The following AGBL4 variants were observed in gnomAD, a reference collection of about 807,000 sequenced individuals.
AGBL4 encodes the protein AGBL carboxypeptidase 4, also known as cytosolic carboxypeptidase 6.
A neutral mutation model predicts 66.4 loss-of-function variants in AGBL4; 58 were observed. The observed-to-expected ratio is 0.87, with a 90% confidence interval of 0.71 to 1.09. The LOEUF is 1.09. AGBL4 is among the 50% of genes least tolerant of loss of function. AGBL4 has a pLI of 0.00. For missense variants in AGBL4, 579 were observed against 631.0 expected (o/e 0.92, Z 0.88); for synonymous variants, 234 against 222.9 (o/e 1.05, Z -0.44).
At chr1:48,744,225 C>A (rs1007612456) in intron 6 of AGBL4, among the ~76,000 whole-genome samples, 3 of 152,150 alleles carry the variant, frequency 2.0e-5, no homozygotes, top group African/African-American at 7.2e-5. Flanking sequence ...TTCCTTTGTC[C>A]CCAGCACCTG....
chr1:49,027,410 G>A (rs1342118667), intron 5 of AGBL4, among the ~76,000 whole-genome samples: 1 of 151,998 alleles, frequency 6.6e-6, no homozygotes, highest in African/African-American at 2.4e-5. Flanking sequence ...TGATCCACCT[G>A]CCTCAGCCCC....
chr1:49,920,436 G>C (rs1376364674), intron 1 of AGBL4, among the ~76,000 whole-genome samples: 2 of 152,210 alleles, frequency 1.3e-5, no homozygotes, highest in Non-Finnish European at 2.9e-5. Context: ...CAAAGGATAT[G>C]AACAGACACT....
intron 4 of AGBL4, among the ~76,000 whole-genome samples, chr1:49,228,432 G>A (rs6673047): frequency 0.035 from 5,389 of 152,274 alleles, 140 homozygotes; most frequent in East Asian, 0.056. Context: ...TGAGGTGGAC[G>A]TGCTTTGAAA....
chr1:49,619,422 G>C (rs1645313235), intron 3 of AGBL4, among the ~76,000 whole-genome samples: 1 of 152,040 alleles, frequency 6.6e-6, no homozygotes, highest in Admixed American at 6.5e-5. Flanking sequence ...GGGATGTGAA[G>C]GACCTCTTCA....
At chr1:49,966,045 C>T (rs1248947907) in intron 1 of AGBL4, among the ~76,000 whole-genome samples, 1 of 151,602 alleles carries the variant, frequency 6.6e-6, no homozygotes, top group Admixed American at 6.6e-5. Flanking sequence ...GGGTTCACGC[C>T]ATTCTCCTGC....
intron 3 of AGBL4, among the ~76,000 whole-genome samples, chr1:49,333,487 C>A (rs534674833): frequency 6.8e-4 from 103 of 152,048 alleles, no homozygotes; most frequent in African/African-American, 2.1e-3. Context: ...AAACACCCCC[C>A]AAAAACAAAC....
intron 1 of AGBL4, among the ~76,000 whole-genome samples, chr1:49,977,692 ATTTAT>A (rs1658686964): frequency 1.3e-5 from 2 of 152,162 alleles, no homozygotes; most frequent in Non-Finnish European, 2.9e-5. Context: ...TTTGTGCTAC[ATTTAT>A]TTTATTTCTA....
chr1:49,513,986 G>A (rs988672307), intron 3 of AGBL4, among the ~76,000 whole-genome samples: 4 of 151,950 alleles, frequency 2.6e-5, no homozygotes, highest in African/African-American at 7.2e-5. Context: ...AAGCAATTGC[G>A]AATGGGAGTT....
At chr1:49,231,093 T>C (rs1004280934) in intron 4 of AGBL4, among the ~76,000 whole-genome samples, 3 of 152,176 alleles carry the variant, frequency 2.0e-5, no homozygotes, top group African/African-American at 7.2e-5. Flanking sequence ...GAACAGTAAT[T>C]CTTATAGCTA....
intron 6 of AGBL4, among the ~76,000 whole-genome samples, chr1:48,762,759 T>G (rs1302174915): frequency 6.6e-6 from 1 of 152,044 alleles, no homozygotes; most frequent in Non-Finnish European, 1.5e-5. Flanking sequence ...TATAAGCACA[T>G]AACTATTCCA....
At chr1:49,604,795 C>T (rs1049602241) in intron 3 of AGBL4, among the ~76,000 whole-genome samples, 2 of 151,956 alleles carry the variant, frequency 1.3e-5, no homozygotes, top group Admixed American at 6.6e-5. Context: ...TTTTACCCTC[C>T]GAAACTAAAA....
At chr1:48,683,348 G>C (rs1646483485) in intron 6 of AGBL4, among the ~76,000 whole-genome samples, 1 of 152,106 alleles carries the variant, frequency 6.6e-6, no homozygotes, top group Admixed American at 6.5e-5. Flanking sequence ...ACTCACATCG[G>C]GGGCTTCTAA....
intron 5 of AGBL4, among the ~76,000 whole-genome samples, chr1:48,942,435 G>C (rs2148916918): frequency 6.6e-6 from 1 of 152,212 alleles, no homozygotes; most frequent in South Asian, 2.1e-4. Flanking sequence ...CAAGTCATCA[G>C]ATTCCTCATC....
intron 3 of AGBL4, among the ~76,000 whole-genome samples, chr1:49,444,433 G>A (rs999884980): frequency 2.0e-5 from 3 of 152,002 alleles, no homozygotes; most frequent in Non-Finnish European, 4.4e-5. Flanking sequence ...AGCAATATTT[G>A]CTTTATGAAC....
At chr1:48,848,789 G>C (rs980499403) in intron 6 of AGBL4, among the ~76,000 whole-genome samples, 1 of 152,148 alleles carries the variant, frequency 6.6e-6, no homozygotes, top group African/African-American at 2.4e-5. Flanking sequence ...TCCTGAAAAG[G>C]TCAGTTAGTT....
intron 5 of AGBL4, among the ~76,000 whole-genome samples, chr1:48,924,348 C>T (rs991386737): frequency 2.0e-5 from 3 of 151,840 alleles, no homozygotes; most frequent in Non-Finnish European, 4.4e-5. Context: ...TCTATTTGTT[C>T]TCTCACCTGA....
chr1:49,649,777 A>C (rs895463170), intron 3 of AGBL4, among the ~76,000 whole-genome samples: 2 of 152,148 alleles, frequency 1.3e-5, no homozygotes, highest in African/African-American at 4.8e-5. Flanking sequence ...AAAAGAATGG[A>C]ATTCATATAA....
At chr1:49,595,183 G>C (rs796327724) in intron 3 of AGBL4, among the ~76,000 whole-genome samples, 1 of 152,094 alleles carries the variant, frequency 6.6e-6, no homozygotes, top group Admixed American at 6.5e-5. Context: ...CCTCCTACCG[G>C]GTTCACGCCA....
intron 1 of AGBL4, among the ~76,000 whole-genome samples, chr1:50,001,245 T>C (rs924385970): frequency 6.6e-6 from 1 of 150,766 alleles, no homozygotes; most frequent in African/African-American, 2.4e-5. Flanking sequence ...ACTTTATGTA[T>C]AACAAAAAAG....
Sources: gnomAD v4.1 joint callset for allele counts (sites outside exome capture counted in the v4.1 genomes callset) on GRCh38, gnomAD v4.1.1 for gene constraint, MANE v1.5 for transcripts, NCBI Gene and HGNC (gene_info 2026-07-23, HGNC 2026-07-21) for gene names.